The following RABGAP1 variants were observed in gnomAD, a reference collection of about 807,000 sequenced individuals.
RABGAP1 encodes rab GTPase-activating protein 1.
In RABGAP1, 23 loss-of-function variants were observed where a neutral mutation model predicts 137.6. The ratio of observed to expected loss-of-function variants is 0.17; its 90% CI spans 0.12 to 0.24. The LOEUF is 0.24. Ranked by LOEUF, RABGAP1 falls within the 10% of genes least tolerant of loss-of-function variation. The probability of loss-of-function intolerance (pLI) is 1.00; values close to 1 mark genes in which losing one functional copy is unlikely to be tolerated. For missense variants in RABGAP1, 906 were observed against 1,275.8 expected (o/e 0.71, Z 4.42); for synonymous variants, 451 against 450.7 (o/e 1.00, Z -0.01).
intron 21 of RABGAP1, among the ~76,000 whole-genome samples, chr9:123,096,402 T>C (rs1431720487): frequency 1.3e-5 from 2 of 151,276 alleles, no homozygotes; most frequent in African/African-American, 4.8e-5. Context: ...TCAGATAAAG[T>C]AGATTTCAGG....
chr9:123,103,288 C>A lies in RABGAP1; in HGVS notation c.*75C>A. On this transcript the variant is annotated 3_prime_UTR_variant, in exon 26 of 26. Transcript: ENST00000373647. ...GCCTTCTTTGGCCAGATGTGTGATT[C>A]TGTGACTTGTCCCAGGACCAGAATG... The A allele has an allele frequency of 6.3e-7, 1 of 1,584,412 alleles. No homozygotes were observed. The highest frequency in any genetic ancestry group is 1.2e-5 in the South Asian group (1 of 86,706).
intron 21 of RABGAP1, among the ~76,000 whole-genome samples, chr9:123,091,887 C>T (rs1046529181): frequency 6.6e-6 from 1 of 152,024 alleles, no homozygotes; most frequent in African/African-American, 2.4e-5. Context: ...TTTGTAGAAA[C>T]ACTATATGGG....
chr9:122,938,709 G>A (rs1833431361), upstream of RABGAP1: 1 of 152,142 alleles, frequency 6.6e-6, no homozygotes, highest in Non-Finnish European at 1.5e-5. Context: ...TAACATGTTA[G>A]ATTCATAACG....
intron 13 of RABGAP1, among the ~76,000 whole-genome samples, chr9:123,063,530 C>T (rs2034058846): frequency 6.6e-6 from 1 of 152,208 alleles, no homozygotes; most frequent in Admixed American, 6.5e-5. Flanking sequence ...ATAGGAGTTC[C>T]AGTTGTTTCT....
chr9:122,987,834 A>G (rs1836449021), intron 4 of RABGAP1, among the ~76,000 whole-genome samples: 2 of 152,096 alleles, frequency 1.3e-5, no homozygotes, highest in Non-Finnish European at 2.9e-5. Context: ...GAGTTTGTCT[A>G]TTTTTATTGC....
At chr9:123,086,195 C>T (rs1230774629) in intron 19 of RABGAP1, among the ~76,000 whole-genome samples, 1 of 152,192 alleles carries the variant, frequency 6.6e-6, no homozygotes, top group African/African-American at 2.4e-5. Context: ...GTTGGAACTG[C>T]AATCCCAGAG....
Position 122,998,785 on chromosome 9 carries a change from A to G in RABGAP1, c.1374+19A>G. 1 of 1,476,072 alleles carries G rather than the reference A, an allele frequency of 6.8e-7. No homozygotes were observed. The highest frequency in any genetic ancestry group is 9.3e-7 in the Non-Finnish European group (1 of 1,079,294). 91.4% of individuals were successfully genotyped at this position (1,476,072 alleles called of 1,614,324 possible). A position where few individuals can be genotyped will look rare whatever the true frequency, so the allele number is the denominator to read the frequency against. ...AAAACAGGTACTGTATTTTTCTATT[A>G]ATATAGAAGGGGGAATAAGAAAGGA... On this transcript the variant is annotated intron_variant, in intron 10 of 25. Transcript: ENST00000373647.
At chr9:123,084,716 A>G (rs2034814270) in intron 19 of RABGAP1, among the ~76,000 whole-genome samples, 1 of 152,242 alleles carries the variant, frequency 6.6e-6, no homozygotes, top group Admixed American at 6.5e-5. Flanking sequence ...ATAGTAGCTA[A>G]AATTTATTGA....
At chr9:122,962,340 C>A (rs1043487580) in intron 2 of RABGAP1, among the ~76,000 whole-genome samples, 39 of 151,872 alleles carry the variant, frequency 2.6e-4, no homozygotes, top group African/African-American at 8.4e-4. Flanking sequence ...AAAACCCCAT[C>A]TCTACAAAAA....
chr9:122,985,486 C>T (rs1477815734), intron 3 of RABGAP1, among the ~76,000 whole-genome samples: 2 of 152,028 alleles, frequency 1.3e-5, no homozygotes, highest in Admixed American at 6.6e-5. Flanking sequence ...GTGGCACGCA[C>T]CTGTAGTCAC....
At chr9:123,074,986 T>C (rs943795541) in intron 17 of RABGAP1, among the ~76,000 whole-genome samples, 1 of 152,130 alleles carries the variant, frequency 6.6e-6, no homozygotes, top group Admixed American at 6.6e-5. Flanking sequence ...TGAGCAGGAA[T>C]TTGCTAAAAA....
chr9:122,952,835 G>A (rs1834322268), intron 1 of RABGAP1, among the ~76,000 whole-genome samples: 1 of 152,160 alleles, frequency 6.6e-6, no homozygotes, highest in African/African-American at 2.4e-5. Flanking sequence ...AAAAGGAGGA[G>A]ACAAACTGTG....
intron 12 of RABGAP1, among the ~76,000 whole-genome samples, chr9:123,018,196 G>C (rs537082293): frequency 3.7e-4 from 56 of 152,046 alleles, no homozygotes; most frequent in Non-Finnish European, 2.9e-4. Flanking sequence ...GGGTTTCACC[G>C]TGTTAGCCAG....
intron 19 of RABGAP1, among the ~76,000 whole-genome samples, chr9:123,084,206 G>A (rs568449404): frequency 1.3e-5 from 2 of 152,332 alleles, no homozygotes; most frequent in Non-Finnish European, 2.9e-5. Flanking sequence ...TAGTAGATAT[G>A]TAGGCATCTT....
At chr9:123,085,408 C>T (rs2034833814) in intron 19 of RABGAP1, among the ~76,000 whole-genome samples, 4 of 152,180 alleles carry the variant, frequency 2.6e-5, no homozygotes. Context: ...TGTTAAGAAC[C>T]CCTGTGCTAA....
intron 13 of RABGAP1, among the ~76,000 whole-genome samples, chr9:123,025,294 T>G (rs2031888585): frequency 6.6e-6 from 1 of 152,198 alleles, no homozygotes. Flanking sequence ...TTAAAAAGGC[T>G]TTGTATTATT....
chr9:122,993,943 C>T (rs932835999), intron 6 of RABGAP1, among the ~76,000 whole-genome samples: 1 of 152,222 alleles, frequency 6.6e-6, no homozygotes, highest in Non-Finnish European at 1.5e-5. Flanking sequence ...GGATTCCAAG[C>T]ATGAGCCACC....
intron 2 of RABGAP1, among the ~76,000 whole-genome samples, chr9:122,960,932 GAA>G (rs1834817418): frequency 6.6e-6 from 1 of 152,036 alleles, no homozygotes; most frequent in Non-Finnish European, 1.5e-5. Flanking sequence ...ACTGGCAAAA[GAA>G]AGAGTTAATG....
intron 10 of RABGAP1, among the ~76,000 whole-genome samples, chr9:123,009,465 G>A (rs2030602719): frequency 6.6e-6 from 1 of 152,002 alleles, no homozygotes; most frequent in Non-Finnish European, 1.5e-5. Context: ...TGGTATGTGT[G>A]TATATATATA....
Sources: allele counts gnomAD v4.1 joint callset (sites outside exome capture counted in the v4.1 genomes callset), GRCh38; gene constraint gnomAD v4.1.1; transcripts MANE v1.5; gene names NCBI Gene and HGNC (gene_info 2026-07-23, HGNC 2026-07-21).